QTMAN: variants seen among roughly 807,000 people sequenced by gnomAD.
QTMAN encodes the protein tRNA-queuosine alpha-mannosyltransferase.
chr2:143,938,554 G>A, the QTMAN span: 2 of 152,154 alleles, frequency 1.3e-5, no homozygotes. Flanking sequence ...ACTTTCTTCT[G>A]ATACAATGAA....
the QTMAN span, among the ~76,000 whole-genome samples, chr2:144,012,608 G>A: frequency 1.3e-5 from 2 of 152,038 alleles, no homozygotes; most frequent in African/African-American, 4.8e-5. Flanking sequence ...ATGCCATGGT[G>A]GAATACACTC....
At chr2:143,954,879 G>A in the QTMAN span, among the ~76,000 whole-genome samples, 1 of 151,982 alleles carries the variant, frequency 6.6e-6, no homozygotes, top group South Asian at 2.1e-4. Flanking sequence ...ACTAGTAAAT[G>A]ACCTTTTTAT....
the QTMAN span, among the ~76,000 whole-genome samples, chr2:144,223,367 A>C: frequency 6.6e-6 from 1 of 152,190 alleles, no homozygotes; most frequent in Non-Finnish European, 1.5e-5. Context: ...ATCGACATAT[A>C]ATTTCCCATA....
At chr2:144,332,241 G>A in the QTMAN span, among the ~76,000 whole-genome samples, 4 of 151,592 alleles carry the variant, frequency 2.6e-5, no homozygotes, top group South Asian at 2.1e-4. Context: ...GCGTGCGCCC[G>A]GGAAGCGCGC....
chr2:143,962,820 G>A, the QTMAN span, among the ~76,000 whole-genome samples: 3 of 152,162 alleles, frequency 2.0e-5, no homozygotes, highest in Non-Finnish European at 4.4e-5. Context: ...TACATTTCCT[G>A]TGAAATGTCT....
the QTMAN span, among the ~76,000 whole-genome samples, chr2:144,250,141 T>G: frequency 6.7e-6 from 1 of 150,024 alleles, no homozygotes; most frequent in Admixed American, 6.6e-5. Flanking sequence ...TTTTTGTTTG[T>G]TTTTGTTTTT....
the QTMAN span, among the ~76,000 whole-genome samples, chr2:143,970,012 CTTG>C: frequency 6.6e-6 from 1 of 152,176 alleles, no homozygotes; most frequent in African/African-American, 2.4e-5. Flanking sequence ...GACATGAATA[CTTG>C]TATAACTTGT....
the QTMAN span, among the ~76,000 whole-genome samples, chr2:144,118,610 G>A: frequency 2.0e-5 from 3 of 152,150 alleles, no homozygotes; most frequent in South Asian, 2.1e-4. Flanking sequence ...TGGGCCAGGC[G>A]CAGTGGCTCA....
At chr2:144,060,980 A>T in the QTMAN span, among the ~76,000 whole-genome samples, 1 of 152,102 alleles carries the variant, frequency 6.6e-6, no homozygotes, top group Non-Finnish European at 1.5e-5. Context: ...TTAGAGAATC[A>T]TGTCATCATA....
At chr2:144,057,423 T>C in the QTMAN span, among the ~76,000 whole-genome samples, 1 of 152,224 alleles carries the variant, frequency 6.6e-6, no homozygotes, top group Non-Finnish European at 1.5e-5. Context: ...GGTGAAGACA[T>C]GCAATTCTTG....
the QTMAN span, among the ~76,000 whole-genome samples, chr2:144,095,180 A>G: frequency 6.6e-6 from 1 of 152,138 alleles, no homozygotes; most frequent in African/African-American, 2.4e-5. Context: ...ACCTTCTCCT[A>G]TATTTCCAAT....
chr2:144,010,195 T>A, the QTMAN span, among the ~76,000 whole-genome samples: 1 of 151,816 alleles, frequency 6.6e-6, no homozygotes, highest in Non-Finnish European at 1.5e-5. Context: ...AAATTGCAAA[T>A]TAAAAGAGAT....
the QTMAN span, among the ~76,000 whole-genome samples, chr2:144,299,900 G>A: frequency 1.3e-5 from 2 of 152,178 alleles, no homozygotes; most frequent in Admixed American, 1.3e-4. Flanking sequence ...ATAAAATGTG[G>A]TATATGTATA....
At chr2:144,051,556 C>T in the QTMAN span, among the ~76,000 whole-genome samples, 1 of 152,062 alleles carries the variant, frequency 6.6e-6, no homozygotes, top group Non-Finnish European at 1.5e-5. Flanking sequence ...TTTTCCTGAT[C>T]GCTACTATGT....
At chr2:144,135,197 T>C in the QTMAN span, among the ~76,000 whole-genome samples, 32 of 152,248 alleles carry the variant, frequency 2.1e-4, no homozygotes, top group African/African-American at 7.5e-4. Flanking sequence ...GTGAAGACAA[T>C]CTACTGACAT....
chr2:144,043,290 A>G, the QTMAN span, among the ~76,000 whole-genome samples: 1 of 151,896 alleles, frequency 6.6e-6, no homozygotes, highest in South Asian at 2.1e-4. Context: ...ATATATATAT[A>G]TATGTGTTGG....
chr2:144,180,158 A>G, the QTMAN span, among the ~76,000 whole-genome samples: 1 of 152,208 alleles, frequency 6.6e-6, no homozygotes, highest in Non-Finnish European at 1.5e-5. Flanking sequence ...GACCATACCT[A>G]AGTCAGAATT....
the QTMAN span, among the ~76,000 whole-genome samples, chr2:144,289,093 G>T: frequency 3.4e-5 from 5 of 148,394 alleles, 1 homozygote; most frequent in Middle Eastern, 0.01. Context: ...GAGCGCAGTG[G>T]TGCGATCTCC....
chr2:143,986,362 C>T, the QTMAN span, among the ~76,000 whole-genome samples: 1 of 152,186 alleles, frequency 6.6e-6, no homozygotes, highest in Non-Finnish European at 1.5e-5. Flanking sequence ...GCCAGACAGG[C>T]TTTGTACAAG....
Sources: allele counts gnomAD v4.1 joint callset (sites outside exome capture counted in the v4.1 genomes callset), GRCh38; gene constraint gnomAD v4.1.1; transcripts MANE v1.5; gene names NCBI Gene and HGNC (gene_info 2026-07-23, HGNC 2026-07-21).